The following VPS53 variants were observed in gnomAD, a reference collection of about 807,000 sequenced individuals.
The protein encoded by VPS53 is VPS53 subunit of GARP complex, also known as vacuolar protein sorting-associated protein 53 homolog.
A neutral mutation model predicts 107.0 loss-of-function variants in VPS53; 70 were observed. The ratio of observed to expected loss-of-function variants is 0.65; its 90% confidence interval spans 0.54 to 0.80. The LOEUF (loss-of-function observed/expected upper bound fraction) is 0.80. Among genes scored for constraint, VPS53 ranks in the 30% least tolerant of loss-of-function variants. The pLI is 0.00. For synonymous variants in VPS53, 409 were observed against 393.3 expected (o/e 1.04, Z -0.47); for missense variants, 917 against 1,049.4 (o/e 0.87, Z 1.74).
At chr17:657,478 T>C in intron 5 of VPS53, 1 of 1,453,834 alleles carries the variant, frequency 6.9e-7, no homozygotes, top group Non-Finnish European at 9.7e-7. Flanking sequence ...AACACACCGG[T>C]CAATTTATCC....
At chr17:581,938 T>TG (rs1459377497) in intron 13 of VPS53, among the ~76,000 whole-genome samples, 1 of 144,404 alleles carries the variant, frequency 6.9e-6, no homozygotes, top group Admixed American at 6.9e-5. Context: ...GACCTCAATG[T>TG]GTTCCCAGAG....
At chr17:650,586 A>G (rs1484954322) in intron 7 of VPS53, among the ~76,000 whole-genome samples, 1 of 152,224 alleles carries the variant, frequency 6.6e-6, no homozygotes, top group Non-Finnish European at 1.5e-5. Flanking sequence ...TAAGATAGAT[A>G]AAAATGAAAA....
chr17:596,024 T>C (rs1967955704), intron 12 of VPS53, among the ~76,000 whole-genome samples: 1 of 152,222 alleles, frequency 6.6e-6, no homozygotes, highest in Non-Finnish European at 1.5e-5. Flanking sequence ...GGTTTGATGA[T>C]GGACTCTACT....
intron 9 of VPS53, 25 bp downstream of exon 9, chr17:628,063 C>G: frequency 6.3e-7 from 1 of 1,595,694 alleles, no homozygotes; most frequent in Non-Finnish European, 8.5e-7. Context: ...AATGTTACAT[C>G]TGATCTTATT....
At chr17:630,604 C>T (rs1242431922) in intron 8 of VPS53, among the ~76,000 whole-genome samples, 1 of 152,202 alleles carries the variant, frequency 6.6e-6, no homozygotes, top group African/African-American at 2.4e-5. Flanking sequence ...CAGGAGCGGG[C>T]TTCCTATAGA....
chr17:605,863 T>C (rs1311659169), intron 11 of VPS53, among the ~76,000 whole-genome samples: 2 of 151,962 alleles, frequency 1.3e-5, no homozygotes, highest in Non-Finnish European at 1.5e-5. Context: ...TTGTGGGCCA[T>C]GGTAAGGGTC....
chr17:656,760 G>T, intron 5 of VPS53: 3 of 922,380 alleles, frequency 3.3e-6, no homozygotes, highest in Non-Finnish European at 3.5e-6. Flanking sequence ...TTTTAATTAC[G>T]TACAAAGATC....
At chr17:577,584 C>A (rs1914737188) in intron 13 of VPS53, among the ~76,000 whole-genome samples, 1 of 150,818 alleles carries the variant, frequency 6.6e-6, no homozygotes, top group Non-Finnish European at 1.5e-5. Flanking sequence ...TCCCTCAGAA[C>A]CTAATGCATT....
chr17:714,793 C>T lies in VPS53; in HGVS notation c.-84G>A, dbSNP rs1022414599. The T allele has an allele frequency of 2.0e-6, 3 of 1,508,516 alleles. No individual in the cohort carries two copies. The highest frequency in any genetic ancestry group is 2.8e-6 in the Non-Finnish European group (3 of 1,088,042). 93.4% of individuals were successfully genotyped at this position (1,508,516 alleles called of 1,614,324 possible). On this transcript the variant is annotated 5_prime_UTR_variant, in exon 1 of 22. Coordinates refer to ENST00000437048, the MANE Select transcript of VPS53 (RefSeq NM_001128159.3). ...CACCCAGGCCCCAGCACAGCAACTC[C>T]CTCGCGGCAGCGACCTGGTGAGCCC...
At chr17:680,393 A>C (rs916472100) in intron 4 of VPS53, among the ~76,000 whole-genome samples, 1 of 152,208 alleles carries the variant, frequency 6.6e-6, no homozygotes, top group Non-Finnish European at 1.5e-5. Flanking sequence ...TTTAACATGA[A>C]TCAAAATCCC....
chr17:589,197 A>G (rs534235423), intron 12 of VPS53, among the ~76,000 whole-genome samples: 1 of 152,008 alleles, frequency 6.6e-6, no homozygotes, highest in Non-Finnish European at 1.5e-5. Flanking sequence ...TAAAAAAATC[A>G]ACGTGTATAT....
chr17:509,592 C>A lies in VPS53; in HGVS notation c.*9536G>T, dbSNP rs929103252. The A allele has an allele frequency of 4.2e-5, 7 of 166,980 alleles. No individual in the cohort carries two copies. Among genetic ancestry groups the A allele is most frequent in the African/African-American group, 1.7e-4 (7 of 40,718 alleles). 10.3% of individuals were successfully genotyped at this position (166,980 alleles called of 1,614,324 possible). A position where few individuals can be genotyped will look rare whatever the true frequency, so the allele number is the denominator to read the frequency against. On this transcript the variant is annotated 3_prime_UTR_variant, in exon 22 of 22. Transcript: ENST00000437048. ...CTCCTCACTACTCACATATCGAATC[C>A]TGGCTCACCCCTCACTAGTCACGTA... is the stretch of plus-strand genomic sequence containing the variant.
At chr17:521,537 A>C in intron 20 of VPS53, 64 bp downstream of exon 20, 1 of 1,465,332 alleles carries the variant, frequency 6.8e-7, no homozygotes, top group Non-Finnish European at 9.1e-7. Flanking sequence ...GTGCTTTCAA[A>C]ACCAAGGCTT....
chr17:604,212 T>C (rs1968457306), intron 11 of VPS53, among the ~76,000 whole-genome samples: 1 of 152,170 alleles, frequency 6.6e-6, no homozygotes, highest in African/African-American at 2.4e-5. Flanking sequence ...GTCAGTGACG[T>C]GGACTGAGAA....
At chr17:662,009 G>A in intron 4 of VPS53, 114 bp from the exon 5 acceptor site, 1 of 965,264 alleles carries the variant, frequency 1.0e-6, no homozygotes, top group African/African-American at 1.7e-5. Flanking sequence ...CTGATTCATT[G>A]TACTTATGCC....
At chr17:567,500 ATTTCT>A (rs749532974) in intron 13 of VPS53, among the ~76,000 whole-genome samples, 1 of 117,766 alleles carries the variant, frequency 8.5e-6, no homozygotes, top group Non-Finnish European at 1.7e-5. Flanking sequence ...ATCTGATCAC[ATTTCT>A]TTTTTTTTTT....
chr17:696,733 A>T (rs1972979391), intron 4 of VPS53, among the ~76,000 whole-genome samples: 1 of 151,824 alleles, frequency 6.6e-6, no homozygotes, highest in Non-Finnish European at 1.5e-5. Flanking sequence ...AGATCCAGTA[A>T]GACTTACTTC....
intron 7 of VPS53, among the ~76,000 whole-genome samples, chr17:651,671 G>C (rs1314352455): frequency 6.6e-6 from 1 of 152,132 alleles, no homozygotes; most frequent in Non-Finnish European, 1.5e-5. Flanking sequence ...TGTAGCATTC[G>C]GGCCTTATTA....
Position 631,489 on chromosome 17 carries a change from G to T in VPS53, c.687+61C>A, listed in dbSNP as rs145056494. On this transcript the variant is annotated intron_variant, in intron 8 of 21. Transcript: ENST00000437048. The stretch of plus-strand genomic sequence containing the variant: ...ATGATAACCACATGGTGACTGGGGT[G>T]AGCGTGAGCTCGGCAAGGATGGTGA... 5 of 1,528,572 alleles carry T rather than the reference G, an allele frequency of 3.3e-6. No homozygotes were observed. In the South Asian group the frequency reaches 3.4e-5, roughly 10 times the overall value. 94.7% of individuals were successfully genotyped at this position (1,528,572 alleles called of 1,614,324 possible).
Sources: allele counts gnomAD v4.1 joint callset (sites outside exome capture counted in the v4.1 genomes callset), GRCh38; gene constraint gnomAD v4.1.1; transcripts MANE v1.5; gene names NCBI Gene and HGNC (gene_info 2026-07-23, HGNC 2026-07-21).